The following NARS1 variants were observed in gnomAD, a reference collection of about 807,000 sequenced individuals.
The protein encoded by NARS1 is asparaginyl-tRNA synthetase 1.
In NARS1, 65 loss-of-function variants were observed where a neutral mutation model predicts 79.2. The observed-to-expected ratio is 0.82, with a 90% CI of 0.67 to 1.01. The LOEUF is 1.01. NARS1 is among the 50% of genes least tolerant of loss of function. NARS1 has a pLI of 0.00. For missense variants in NARS1, 649 were observed against 673.8 expected (o/e 0.96, Z 0.41); for synonymous variants, 229 against 238.8 (o/e 0.96, Z 0.38).
At chr18:57,609,982 G>A (rs1041756190) in intron 6 of NARS1, among the ~76,000 whole-genome samples, 1 of 152,092 alleles carries the variant, frequency 6.6e-6, no homozygotes, top group Non-Finnish European at 1.5e-5. Context: ...GGGAAGTCGA[G>A]GCTGCAATGA....
At chr18:57,606,563 T>C (rs548802118) in intron 10 of NARS1, 53 bp downstream of exon 10, 3 of 1,569,218 alleles carry the variant, frequency 1.9e-6, no homozygotes, top group African/African-American at 1.4e-5. Flanking sequence ...GAAGACTTCA[T>C]TGTCTTCCAA....
At chr18:57,604,794 T>G (rs78751383) in intron 11 of NARS1, among the ~76,000 whole-genome samples, 3,605 of 152,108 alleles carry the variant, frequency 0.024, 143 homozygotes, top group African/African-American at 0.083. Flanking sequence ...GAGGCTGATG[T>G]AGGAGGAACA....
chr18:57,617,024 G>C (rs1908074697), intron 2 of NARS1, among the ~76,000 whole-genome samples: 1 of 145,074 alleles, frequency 6.9e-6, no homozygotes, highest in Non-Finnish European at 1.5e-5. Context: ...CCCCCATGTA[G>C]AATACCTCTT....
Position 57,607,268 on chromosome 18 carries a change from A to G in NARS1, c.867T>C (p.Tyr289=). ...EGGATLFKLD[Y]FGEEAFLTQS... is the part of the protein sequence containing the mutation. The stretch of plus-strand genomic sequence containing the variant: ...GAGTCAAAAATGCCTCTTCCCCAAA[A>G]TAGTCAAGCTTGAAGAGTGTGGCAC... Residue 289 remains tyrosine, a synonymous_variant, in exon 9 of 14, where the codon TAT becomes TAC. Coordinates refer to ENST00000256854, the MANE Select transcript of NARS1 (RefSeq NM_004539.4). 3 of 1,614,166 alleles carry G rather than the reference A, an allele frequency of 1.9e-6. No homozygotes were observed. Among genetic ancestry groups the G allele is most frequent in the Non-Finnish European group, 2.5e-6 (3 of 1,180,022 alleles).
In NARS1 at chr18:57,600,782, A is replaced by G. The variant is rs1394267437; in HGVS notation, c.*870T>C. The G allele has an allele frequency of 6.6e-6, 1 of 152,220 alleles. No homozygotes were observed. The highest frequency in any genetic ancestry group is 1.5e-5 in the Non-Finnish European group (1 of 68,038). The allele number at this position is 152,220 out of a possible 1,614,324, so 9.4% of individuals were successfully genotyped here. The stretch of plus-strand genomic sequence containing the variant: ...CATTCAGTAAGCCTGCTGTGAGTTA[A>G]TAAGGTAGCACAGATTAGATCTAAG... On this transcript the variant is annotated 3_prime_UTR_variant, in exon 14 of 14. Transcript: ENST00000256854.
intron 11 of NARS1, among the ~76,000 whole-genome samples, chr18:57,604,654 C>G (rs1438890007): frequency 1.3e-5 from 2 of 152,136 alleles, no homozygotes; most frequent in Non-Finnish European, 2.9e-5. Context: ...CTTTGGAAAG[C>G]TGGGGTGGGA....
rs772248741 is a variant in NARS1, at chr18:57,606,797, G to GT, written c.1002-47dup. ...TCAGCACTGCTTTTCTCCTGCACTG[G>GT]TTTTTTATCCAGCAAGGCTTTTAAC... On this transcript the variant is annotated intron_variant, in intron 9 of 13. Coordinates refer to ENST00000256854, the MANE Select transcript of NARS1 (RefSeq NM_004539.4). The GT allele has an allele frequency of 1.6e-5, 25 of 1,607,338 alleles. No individual in the cohort carries two copies. In the South Asian group the frequency reaches 2.5e-4, roughly 16 times the overall value.
chr18:57,621,563 T>TCCCCCCCCCCCCC, intron 1 of NARS1, 145 bp downstream of exon 1: 10 of 300,794 alleles, frequency 3.3e-5, no homozygotes, highest in South Asian at 5.0e-5. Flanking sequence ...GCCAGCACCC[T>TCCCCCCCCCCCCC]CCCTCCCTCC....
intron 2 of NARS1, among the ~76,000 whole-genome samples, chr18:57,617,335 G>A (rs1016741745): frequency 6.6e-6 from 1 of 151,994 alleles, no homozygotes; most frequent in Non-Finnish European, 1.5e-5. Flanking sequence ...CACTTTGTGA[G>A]GCCGAGGTGG....
chr18:57,601,906 C>T, intron 13 of NARS1, 123 bp from the exon 14 acceptor site: 2 of 1,001,948 alleles, frequency 2.0e-6, no homozygotes, highest in Non-Finnish European at 3.0e-6. Flanking sequence ...TCAACTATGG[C>T]CAGATTCAGT....
At chr18:57,603,741 C>G (rs1256098359) in intron 11 of NARS1, among the ~76,000 whole-genome samples, 1 of 152,218 alleles carries the variant, frequency 6.6e-6, no homozygotes, top group African/African-American at 2.4e-5. Context: ...CACCTGTTTT[C>G]AAGCTCCAGG....
chr18:57,620,363 T>G (rs550278954), intron 2 of NARS1, among the ~76,000 whole-genome samples: 27 of 150,724 alleles, frequency 1.8e-4, no homozygotes, highest in Non-Finnish European at 3.6e-4. Context: ...GAAGAGACCT[T>G]TTTTCAAAAT....
At chr18:57,621,337 AG>A (rs1458797902) in intron 1 of NARS1, among the ~76,000 whole-genome samples, 2 of 151,918 alleles carry the variant, frequency 1.3e-5, no homozygotes, top group Non-Finnish European at 2.9e-5. Flanking sequence ...AAAAACAACT[AG>A]AATCCTAAAG....
Position 57,606,648 on chromosome 18 carries a change from G to A in NARS1, c.1105C>T (p.Pro369Ser), listed in dbSNP as rs761817229. ...AGCTCATGCACTATGCTCCCTGCAG[G>A]TGACTTCAATATTCGATCTACCACA... ...CDVVDRILKSPAGSIVHELNP... is the reference protein window; with the variant it reads ...CDVVDRILKSSAGSIVHELNP... Residue 369 changes from proline to serine, a missense_variant, in exon 10 of 14, where the codon CCT becomes TCT. Pro to Ser is a moderately conservative substitution (Grantham distance 74). Transcript: ENST00000256854. 1.2e-6 allele frequency: 2 copies of A among 1,614,040 alleles called. No individual in the cohort carries two copies. The highest frequency in any genetic ancestry group is 1.7e-6 in the Non-Finnish European group (2 of 1,179,996).
Position 57,613,623 on chromosome 18 carries a change from C to T in NARS1, c.400G>A (p.Val134Ile), listed in dbSNP as rs1356553375. The change falls in exon 5 of 14, where the codon GTC becomes ATC. Residue 134 changes from valine to isoleucine, a missense_variant. Val to Ile is a conservative substitution (Grantham distance 29, BLOSUM62 3). Coordinates refer to ENST00000256854, the MANE Select transcript of NARS1 (RefSeq NM_004539.4). ...RGQRVKVFGW[V>I]HRLRRQGKNL... ...TTACCTTGCCTGCGCAGCCTGTGGACCCAGCCAAACACCTTTACTCTTTGG... is the reference window on the plus strand; with the variant it reads ...TTACCTTGCCTGCGCAGCCTGTGGATCCAGCCAAACACCTTTACTCTTTGG... 1 of 1,613,982 alleles carries T rather than the reference C, an allele frequency of 6.2e-7. No individual in the cohort carries two copies. Among genetic ancestry groups the T allele is most frequent in the African/African-American group, 1.3e-5 (1 of 74,916 alleles).
intron 2 of NARS1, among the ~76,000 whole-genome samples, chr18:57,620,139 G>GA (rs979568458): frequency 2.8e-4 from 43 of 152,104 alleles, no homozygotes; most frequent in African/African-American, 9.9e-4. Context: ...AGTCAGCTCT[G>GA]ACAAATGAAT....
At chr18:57,605,134 A>AAAAAATAT (rs536569272) in intron 11 of NARS1, among the ~76,000 whole-genome samples, 2 of 135,234 alleles carry the variant, frequency 1.5e-5, no homozygotes, top group Admixed American at 7.4e-5. Flanking sequence ...AAAAAAAAAA[A>AAAAAATAT]ATATATATAT....
chr18:57,611,421 T>C (rs1022570866), intron 6 of NARS1, among the ~76,000 whole-genome samples: 1 of 152,194 alleles, frequency 6.6e-6, no homozygotes, highest in Admixed American at 6.5e-5. Flanking sequence ...TATTTTGTAA[T>C]GTGCTGGAAA....
chr18:57,619,755 T>C (rs1368531359), intron 2 of NARS1, among the ~76,000 whole-genome samples: 1 of 152,074 alleles, frequency 6.6e-6, no homozygotes, highest in Non-Finnish European at 1.5e-5. Context: ...AGTGGCGCAA[T>C]GGTGGCTCAC....
Sources: allele counts gnomAD v4.1 joint callset (sites outside exome capture counted in the v4.1 genomes callset), GRCh38; gene constraint gnomAD v4.1.1; transcripts MANE v1.5; gene names NCBI Gene and HGNC (gene_info 2026-07-23, HGNC 2026-07-21).